CPT1A: variants seen among roughly 807,000 people sequenced by gnomAD.
CPT1A encodes the protein carnitine palmitoyltransferase 1A.
A neutral mutation model predicts 100.8 loss-of-function variants in CPT1A; 64 were observed. The observed-to-expected ratio is 0.63, with a 90% CI of 0.52 to 0.78. The LOEUF is 0.78. Ranked by LOEUF, CPT1A falls within the 30% of genes least tolerant of loss-of-function variation. The probability of loss-of-function intolerance (pLI) is 0.00; values close to 1 mark genes in which losing one functional copy is unlikely to be tolerated. For synonymous variants in CPT1A, 363 were observed against 396.0 expected, an observed-to-expected ratio of 0.92 and a Z score of 0.99; for missense variants, 802 against 1,034.1, an observed-to-expected ratio of 0.78 and a Z score of 3.08.
At chr11:68,793,214 G>A in intron 9 of CPT1A, 101 bp downstream of exon 9, 1 of 772,442 alleles carries the variant, frequency 1.3e-6, no homozygotes, top group South Asian at 1.7e-5. Flanking sequence ...TCTCAGGAAG[G>A]GTCAGCAAAA....
chr11:68,778,824 C>G (rs536732392), intron 12 of CPT1A, among the ~76,000 whole-genome samples: 1 of 151,432 alleles, frequency 6.6e-6, no homozygotes, highest in South Asian at 2.1e-4. Context: ...CTCACTCTTT[C>G]GTCCAGGCTG....
intron 1 of CPT1A, among the ~76,000 whole-genome samples, chr11:68,827,988 C>T (rs577998571): frequency 6.7e-6 from 1 of 149,830 alleles, no homozygotes; most frequent in South Asian, 2.2e-4. Context: ...TTCACTGTTG[C>T]AAACAAAGAA....
intron 3 of CPT1A, among the ~76,000 whole-genome samples, chr11:68,810,251 A>T (rs1185230578): frequency 2.0e-5 from 3 of 152,132 alleles, no homozygotes; most frequent in Non-Finnish European, 4.4e-5. Context: ...TCCAGACACA[A>T]GGCTCGGAGG....
At chr11:68,772,123 G>A (rs545756869) in intron 14 of CPT1A, among the ~76,000 whole-genome samples, 12 of 152,294 alleles carry the variant, frequency 7.9e-5, no homozygotes, top group South Asian at 6.2e-4. Context: ...AGGCCAAGGC[G>A]GGTGGATCAC....
chr11:68,816,932 T>A lies in CPT1A; in HGVS notation c.-13-1445A>T, dbSNP rs1180598958. Among the ~76,000 whole-genome samples, 5 of 107,862 alleles carry A rather than the reference T, an allele frequency of 4.6e-5. No individual in the cohort carries two copies. The East Asian group carries it at 8.8e-4, about 19-fold the overall frequency. The allele number at this position is 107,862 out of a possible 152,430, so 70.8% of individuals were successfully genotyped here. A position where few individuals can be genotyped will look rare whatever the true frequency, so the allele number is the denominator to read the frequency against. ...TGTGTGTGGTGTGTGTGTGGGTGTGTGTGTGGGGTGAGTGTGTGTGGTGTG... is the reference window on the plus strand; with the variant it reads ...TGTGTGTGGTGTGTGTGTGGGTGTGAGTGTGGGGTGAGTGTGTGTGGTGTG... On this transcript the variant is annotated intron_variant, in intron 1 of 18. Transcript: ENST00000265641.
upstream of CPT1A, among the ~76,000 whole-genome samples, chr11:68,842,829 G>C (rs1214860256): frequency 6.6e-6 from 1 of 152,042 alleles, no homozygotes; most frequent in Non-Finnish European, 1.5e-5. Flanking sequence ...GGCCCCAAGC[G>C]TAACAGGAGG....
At chr11:68,840,251 C>T (rs553335418) in intron 1 of CPT1A, among the ~76,000 whole-genome samples, 18 of 152,304 alleles carry the variant, frequency 1.2e-4, no homozygotes, top group African/African-American at 4.3e-4. Flanking sequence ...TTTATTGCTA[C>T]GTTCACTCGG....
intron 5 of CPT1A, among the ~76,000 whole-genome samples, chr11:68,802,138 G>A (rs1165050421): frequency 1.3e-5 from 2 of 152,102 alleles, no homozygotes; most frequent in African/African-American, 4.8e-5. Context: ...GATGGGGAGT[G>A]ACTGCTTAGT....
intron 3 of CPT1A, among the ~76,000 whole-genome samples, 165 bp downstream of exon 3, chr11:68,812,272 A>G (rs553972614): frequency 6.6e-6 from 1 of 152,258 alleles, no homozygotes; most frequent in African/African-American, 2.4e-5. Context: ...TCCTAGGGGG[A>G]CCTTAACAGC....
chr11:68,755,312 G>C lies in CPT1A; in HGVS notation c.*2332C>G, dbSNP rs1234396564. ...GCTCTGATAGGGACTGACGCCGGCT[G>C]CTGGCTTTTAACGGGAAGTGCTATT... On this transcript the variant is annotated 3_prime_UTR_variant, in exon 19 of 19. Transcript: ENST00000265641. 1 of 157,884 alleles carries C rather than the reference G, an allele frequency of 6.3e-6. No individual in the cohort carries two copies. The highest frequency in any genetic ancestry group is 2.4e-5 in the African/African-American group (1 of 41,628). 9.8% of individuals were successfully genotyped at this position (157,884 alleles called of 1,614,324 possible). A position where few individuals can be genotyped will look rare whatever the true frequency, so the allele number is the denominator to read the frequency against.
At chr11:68,803,417 G>A (rs932164801) in intron 5 of CPT1A, among the ~76,000 whole-genome samples, 1 of 152,166 alleles carries the variant, frequency 6.6e-6, no homozygotes, top group African/African-American at 2.4e-5. Context: ...ATTATGTAAA[G>A]TAGCAAAAAC....
intron 14 of CPT1A, among the ~76,000 whole-genome samples, chr11:68,764,050 G>A (rs147639612): frequency 2.0e-5 from 3 of 152,330 alleles, no homozygotes; most frequent in South Asian, 2.1e-4. Context: ...AGGACAGCAC[G>A]GCAGGAGGGG....
At chr11:68,820,456 G>A (rs1856552392) in intron 1 of CPT1A, among the ~76,000 whole-genome samples, 1 of 151,894 alleles carries the variant, frequency 6.6e-6, no homozygotes, top group South Asian at 2.1e-4. Context: ...GCCCAGGTGG[G>A]TGGATCACTT....
At chr11:68,761,753 T>C in intron 15 of CPT1A, 66 bp from the exon 16 acceptor site, 1 of 1,555,934 alleles carries the variant, frequency 6.4e-7, no homozygotes, top group Non-Finnish European at 8.9e-7. Context: ...CGGATCTAAG[T>C]TAGCCACCGC....
At chr11:68,816,309 C>A (rs1856386563) in intron 1 of CPT1A, among the ~76,000 whole-genome samples, 1 of 152,176 alleles carries the variant, frequency 6.6e-6, no homozygotes, top group Non-Finnish European at 1.5e-5. Context: ...CACGAAGACT[C>A]CATGAGTCAT....
At chr11:68,781,477 A>G (rs1855309459) in intron 11 of CPT1A, among the ~76,000 whole-genome samples, 1 of 152,112 alleles carries the variant, frequency 6.6e-6, no homozygotes, top group African/African-American at 2.4e-5. Flanking sequence ...AAAATTAGCC[A>G]GGCGTGGTGG....
At position 68,817,289 on chromosome 11, in the gene CPT1A, C is replaced by T. The variant is rs1405204408; in HGVS notation, c.-13-1802G>A. ...TGGCTATCACAGTTTCAAAGATCCC[C>T]TGTTACAGAAATCAGCCTGACTCAG... On this transcript the variant is annotated intron_variant, in intron 1 of 18. Coordinates refer to ENST00000265641, the MANE Select transcript of CPT1A (RefSeq NM_001876.4). Among the ~76,000 whole-genome samples the T allele has an allele frequency of 2.0e-5, 3 of 152,060 alleles. No individual in the cohort carries two copies. The East Asian group carries it at 5.8e-4, about 29-fold the overall frequency.
intron 13 of CPT1A, among the ~76,000 whole-genome samples, chr11:68,774,551 T>C (rs925198915): frequency 1.3e-5 from 2 of 151,594 alleles, no homozygotes; most frequent in Non-Finnish European, 2.9e-5. Flanking sequence ...CAAGCCATTC[T>C]CCTGCCTCAG....
intron 12 of CPT1A, among the ~76,000 whole-genome samples, chr11:68,780,256 A>T (rs1855267987): frequency 6.6e-6 from 1 of 152,140 alleles, no homozygotes; most frequent in Non-Finnish European, 1.5e-5. Context: ...TTACAAAACT[A>T]AATTGACTGT....
Sources: gnomAD v4.1 joint callset for allele counts (sites outside exome capture counted in the v4.1 genomes callset) on GRCh38, gnomAD v4.1.1 for gene constraint, MANE v1.5 for transcripts, NCBI Gene and HGNC (gene_info 2026-07-23, HGNC 2026-07-21) for gene names.